VPS13B: variants seen among roughly 807,000 people sequenced by gnomAD.
VPS13B encodes the protein intermembrane lipid transfer protein VPS13B.
VPS13B carries 285 observed loss-of-function variants against 426.4 expected under a neutral mutation model. That is an observed-to-expected ratio of 0.67 (90% confidence interval 0.61 to 0.74). The LOEUF is 0.74. Among genes scored for constraint, VPS13B ranks in the 30% least tolerant of loss-of-function variants. VPS13B has a pLI of 0.00. For synonymous variants in VPS13B, 1,676 were observed against 1,676.4 expected (o/e 1.00, Z 0.01); for missense variants, 4,537 against 4,782.6 (o/e 0.95, Z 1.51).
chr8:99,029,522 G>C (rs988353405), intron 2 of VPS13B, among the ~76,000 whole-genome samples: 2 of 152,120 alleles, frequency 1.3e-5, no homozygotes, highest in East Asian at 1.9e-4. Context: ...CTGCAATCCC[G>C]GCACCTTGGG....
chr8:99,236,415 A>C (rs1367404699), intron 17 of VPS13B, among the ~76,000 whole-genome samples: 1 of 151,918 alleles, frequency 6.6e-6, no homozygotes, highest in Non-Finnish European at 1.5e-5. Context: ...ACGCCTGGCT[A>C]ATTTTTGTAT....
At chr8:99,276,212 G>A (rs1818887554) in intron 19 of VPS13B, among the ~76,000 whole-genome samples, 1 of 152,090 alleles carries the variant, frequency 6.6e-6, no homozygotes, top group African/African-American at 2.4e-5. Context: ...TGAAAGATGA[G>A]TATATTATGA....
chr8:99,042,453 C>A (rs1843004457), intron 3 of VPS13B, among the ~76,000 whole-genome samples: 1 of 152,052 alleles, frequency 6.6e-6, no homozygotes, highest in Non-Finnish European at 1.5e-5. Context: ...TTTAAGATTA[C>A]AAAAATATTC....
intron 54 of VPS13B, among the ~76,000 whole-genome samples, chr8:99,845,320 A>G (rs1002586629): frequency 1.3e-5 from 2 of 152,112 alleles, no homozygotes; most frequent in Non-Finnish European, 2.9e-5. Context: ...GGGAAAGTCC[A>G]TCATCTCGTA....
At chr8:99,437,287 CA>C (rs1411502453) in intron 22 of VPS13B, among the ~76,000 whole-genome samples, 8 of 151,988 alleles carry the variant, frequency 5.3e-5, no homozygotes, top group African/African-American at 1.9e-4. Flanking sequence ...TACATAAAAT[CA>C]TTAACAATAT....
intron 30 of VPS13B, among the ~76,000 whole-genome samples, chr8:99,552,487 A>C (rs1254413338): frequency 6.6e-6 from 1 of 151,578 alleles, no homozygotes. Context: ...CATATGTGAG[A>C]CTCAAACTTC....
intron 19 of VPS13B, among the ~76,000 whole-genome samples, chr8:99,336,520 T>G (rs1220643921): frequency 6.6e-6 from 1 of 152,176 alleles, no homozygotes; most frequent in Non-Finnish European, 1.5e-5. Flanking sequence ...AAATGGGATC[T>G]AATGAAACTA....
At chr8:99,254,614 T>G in intron 17 of VPS13B, among the ~76,000 whole-genome samples, 1 of 151,494 alleles carries the variant, frequency 6.6e-6, no homozygotes. Context: ...AATTAATTAA[T>G]TTTTAACTTT....
At chr8:99,234,461 T>G (rs1816526880) in intron 17 of VPS13B, 8 of 585,644 alleles carry the variant, frequency 1.4e-5, no homozygotes, top group East Asian at 4.4e-5. Flanking sequence ...CACTTTACCT[T>G]GGCCTCGCCG....
At chr8:99,087,240 G>T (rs578006037) in intron 3 of VPS13B, among the ~76,000 whole-genome samples, 1 of 152,198 alleles carries the variant, frequency 6.6e-6, no homozygotes, top group Admixed American at 6.5e-5. Context: ...CTCTGTGGGC[G>T]TAGGACCCAC....
chr8:99,721,103 A>G, intron 39 of VPS13B, 56 bp downstream of exon 39: 1 of 1,567,806 alleles, frequency 6.4e-7, no homozygotes, highest in Non-Finnish European at 8.8e-7. Flanking sequence ...GGCTGATCAT[A>G]TATTAGGAAA....
At chr8:99,526,179 T>C (rs1822634042) in intron 30 of VPS13B, among the ~76,000 whole-genome samples, 1 of 152,040 alleles carries the variant, frequency 6.6e-6, no homozygotes, top group Non-Finnish European at 1.5e-5. Context: ...CGTTTGAAAA[T>C]AAAGGGAGTC....
chr8:99,095,332 G>A (rs940050535), intron 3 of VPS13B, among the ~76,000 whole-genome samples: 3 of 152,058 alleles, frequency 2.0e-5, no homozygotes, highest in Non-Finnish European at 2.9e-5. Flanking sequence ...GGCCTTATTT[G>A]ACTAATCATC....
chr8:99,719,269 A>G (rs2130331453), intron 37 of VPS13B, among the ~76,000 whole-genome samples: 2 of 152,358 alleles, frequency 1.3e-5, no homozygotes, highest in South Asian at 4.1e-4. Context: ...AAGCAAAAAC[A>G]AAGTACAGTG....
chr8:99,330,199 G>A (rs1019144809), intron 19 of VPS13B, among the ~76,000 whole-genome samples: 2 of 151,738 alleles, frequency 1.3e-5, no homozygotes, highest in Non-Finnish European at 2.9e-5. Flanking sequence ...GAACACACTG[G>A]ACTAGAATTG....
chr8:99,044,880 A>G lies in VPS13B; in HGVS notation c.291+6314A>G, dbSNP rs796589603. Among the ~76,000 whole-genome samples, 70 of 150,626 alleles carry G rather than the reference A, an allele frequency of 4.6e-4. 1 individual carries two copies. Among genetic ancestry groups the G allele is most frequent in the African/African-American group, 1.6e-3 (68 of 41,266 alleles). On this transcript the variant is annotated intron_variant, in intron 3 of 61. Coordinates refer to ENST00000357162, the MANE Select transcript of VPS13B (RefSeq NM_152564.5). ...CACACACACACACACACACACACAC[A>G]CACACACACACACACACACCACCCC...
intron 19 of VPS13B, among the ~76,000 whole-genome samples, chr8:99,355,014 C>T (rs1278061462): frequency 6.6e-6 from 1 of 152,146 alleles, no homozygotes; most frequent in Non-Finnish European, 1.5e-5. Context: ...AGAGTACTAT[C>T]TATAATTCTG....
At chr8:99,587,424 T>G (rs1283328151) in intron 33 of VPS13B, among the ~76,000 whole-genome samples, 1 of 151,672 alleles carries the variant, frequency 6.6e-6, no homozygotes, top group Non-Finnish European at 1.5e-5. Context: ...GTTCAACTAG[T>G]TTATACTCCC....
At chr8:99,601,177 GTGT>G in intron 33 of VPS13B, among the ~76,000 whole-genome samples, 3 of 151,942 alleles carry the variant, frequency 2.0e-5, no homozygotes, top group Non-Finnish European at 4.4e-5. Context: ...AGGCTCCAGT[GTGT>G]GATGTTCCCT....
Sources: gnomAD v4.1 joint callset for allele counts (sites outside exome capture counted in the v4.1 genomes callset) on GRCh38, gnomAD v4.1.1 for gene constraint, MANE v1.5 for transcripts, NCBI Gene and HGNC (gene_info 2026-07-23, HGNC 2026-07-21) for gene names.